TMEM63B: variants seen among roughly 807,000 people sequenced by gnomAD.
TMEM63B encodes the protein transmembrane protein 63B, also known as mechanosensitive cation channel TMEM63B.
TMEM63B carries 23 observed loss-of-function variants against 102.6 expected under a neutral mutation model. The observed-to-expected ratio is 0.22, with a 90% CI of 0.16 to 0.32. The LOEUF is 0.32. Ranked by LOEUF, TMEM63B falls within the 10% of genes least tolerant of loss-of-function variation. The pLI is 1.00. For missense variants in TMEM63B, 628 were observed against 1,095.9 expected, an observed-to-expected ratio of 0.57 and a Z score of 6.03; for synonymous variants, 444 against 437.0, an observed-to-expected ratio of 1.02 and a Z score of -0.20.
chr6:44,150,525 C>T lies in TMEM63B; in HGVS notation c.1608-39C>T, dbSNP rs1165199219. The T allele has an allele frequency of 6.2e-6, 10 of 1,610,694 alleles. No individual in the cohort carries two copies. Among genetic ancestry groups the T allele is most frequent in the African/African-American group, 1.3e-5 (1 of 74,832 alleles). On this transcript the variant is annotated intron_variant, in intron 17 of 23. Coordinates refer to ENST00000323267, the MANE Select transcript of TMEM63B (RefSeq NM_018426.3). This position sits in a 1 kb window ranked among gnomAD's most constrained non-coding sequence, Gnocchi z 4.7. ...TCCCCTCCCCTGGTGTTCTGTACCA[C>T]TCCAGCTCCCACCCCATCTCTCCTC...
At chr6:44,141,353 C>T (rs893557911) in intron 10 of TMEM63B, among the ~76,000 whole-genome samples, 6 of 152,210 alleles carry the variant, frequency 3.9e-5, no homozygotes, top group African/African-American at 1.4e-4. Flanking sequence ...AAACCTCCTC[C>T]TGGCTCAGAC....
At chr6:44,147,636 T>A in intron 12 of TMEM63B, 136 bp downstream of exon 12, 1 of 1,268,604 alleles carries the variant, frequency 7.9e-7, no homozygotes, top group Non-Finnish European at 1.1e-6. Flanking sequence ...TGGGTTTGTC[T>A]AATGTCCCTA....
chr6:44,146,485 C>G (rs982624654), intron 10 of TMEM63B, among the ~76,000 whole-genome samples: 3 of 135,638 alleles, frequency 2.2e-5, no homozygotes, highest in Non-Finnish European at 3.4e-5. Context: ...GAGTCTCGCT[C>G]TGTCGCCCAG....
chr6:44,128,343 C>T (rs1281790149), intron 1 of TMEM63B, among the ~76,000 whole-genome samples: 1 of 152,046 alleles, frequency 6.6e-6, no homozygotes, highest in East Asian at 1.9e-4. Context: ...CATTCATGAG[C>T]CGCCCGGGCC....
rs2128209514 is a variant in TMEM63B at position 44,127,672 on chromosome 6, C to A, written c.-31C>A. 6.7e-6 allele frequency: 1 copy of A among 150,348 alleles called. No individual in the cohort carries two copies. The highest frequency in any genetic ancestry group is 2.1e-4 in the South Asian group (1 of 4,726). 9.3% of individuals were successfully genotyped at this position (150,348 alleles called of 1,614,324 possible). On this transcript the variant is annotated 5_prime_UTR_variant, in exon 1 of 24. Coordinates refer to ENST00000323267, the MANE Select transcript of TMEM63B (RefSeq NM_018426.3). ...GCTCCGAGCCGGAGCCGAGTCTGCGCCTGGGGGTGAGTACGCGACCCCTAC... is the reference window on the plus strand; with the variant it reads ...GCTCCGAGCCGGAGCCGAGTCTGCGACTGGGGGTGAGTACGCGACCCCTAC...
At chr6:44,144,311 T>A (rs1764900536) in intron 10 of TMEM63B, among the ~76,000 whole-genome samples, 1 of 152,098 alleles carries the variant, frequency 6.6e-6, no homozygotes. Context: ...TCAGCACAAT[T>A]AGGAAATATC....
intron 20 of TMEM63B, among the ~76,000 whole-genome samples, chr6:44,153,386 G>A (rs1281305717): frequency 6.6e-6 from 1 of 152,208 alleles, no homozygotes; most frequent in Non-Finnish European, 1.5e-5. Flanking sequence ...TCTGTTTAGG[G>A]ACAGGGTTAG....
rs1766340307 is a variant in TMEM63B at position 44,150,359 on chromosome 6, T to C, written c.1607+49T>C. On this transcript the variant is annotated intron_variant, in intron 17 of 23. Coordinates refer to ENST00000323267, the MANE Select transcript of TMEM63B (RefSeq NM_018426.3). This position sits in a 1 kb window ranked among gnomAD's most constrained non-coding sequence, Gnocchi z 4.7. The stretch of plus-strand genomic sequence containing the variant: ...GAGCCAGGGTAGGGGGACAGCAGGA[T>C]AGGGAGAGGAGAGCAGTTCAGCCTC... The C allele has an allele frequency of 1.9e-6, 3 of 1,579,188 alleles. No individual in the cohort carries two copies. The highest frequency in any genetic ancestry group is 2.6e-6 in the Non-Finnish European group (3 of 1,148,564).
chr6:44,140,255 C>T lies in TMEM63B; in HGVS notation c.606C>T (p.Asn202=), dbSNP rs1421022127. ...GTATCCTCTCTGCTTCTCCCAGGAA[C>T]AACCTGCTATGGCTGCACACCTCCT... ...RTTIANLKSG[N]NLLWLHTSFA... Residue 202 remains asparagine (N), a synonymous_variant, in exon 9 of 24, where the codon AAC becomes AAT. Coordinates refer to ENST00000323267, the MANE Select transcript of TMEM63B (RefSeq NM_018426.3). 6.2e-7 allele frequency: 1 copy of T among 1,613,604 alleles called. No individual in the cohort carries two copies. Among genetic ancestry groups the T allele is most frequent in the Non-Finnish European group, 8.5e-7 (1 of 1,179,720 alleles).
chr6:44,133,292 C>A (rs1762299100), intron 1 of TMEM63B, among the ~76,000 whole-genome samples: 1 of 152,160 alleles, frequency 6.6e-6, no homozygotes, highest in East Asian at 1.9e-4. Flanking sequence ...CTGCCTCTTG[C>A]CCTGTGGTTG....
At chr6:44,153,573 G>A in intron 20 of TMEM63B, 103 bp from the exon 21 acceptor site, 5 of 1,408,444 alleles carry the variant, frequency 3.6e-6, no homozygotes, top group Non-Finnish European at 4.8e-6. Context: ...AGGAGGAGGG[G>A]GCCAACCCTT....
chr6:44,150,376 T>C lies in TMEM63B; in HGVS notation c.1607+66T>C. On this transcript the variant is annotated intron_variant, in intron 17 of 23. Transcript: ENST00000323267. This position sits in a 1 kb window ranked among gnomAD's most constrained non-coding sequence, Gnocchi z 4.7. ...CAGCAGGATAGGGAGAGGAGAGCAG[T>C]TCAGCCTCCCTACCTCCCCTACAAA... is the stretch of plus-strand genomic sequence containing the variant. The C allele has an allele frequency of 6.5e-7, 1 of 1,542,242 alleles. No individual in the cohort carries two copies. Among genetic ancestry groups the C allele is most frequent in the Non-Finnish European group, 9.0e-7 (1 of 1,115,628 alleles).
Position 44,150,136 on chromosome 6 carries a change from C to A in TMEM63B, c.1521-88C>A. On this transcript the variant is annotated intron_variant, in intron 16 of 23. Transcript: ENST00000323267. This position sits in a 1 kb window ranked among gnomAD's most constrained non-coding sequence, Gnocchi z 4.7. ...TGGGAGGCCCACCCTTCCCAGGGGA[C>A]ACTCCTTGGACATTGTCCTTGTTGG... The A allele has an allele frequency of 7.0e-7, 1 of 1,423,280 alleles. No individual in the cohort carries two copies. The allele number at this position is 1,423,280 out of a possible 1,614,324, so 88.2% of individuals were successfully genotyped here.
rs1009070994 is a variant in TMEM63B at position 44,140,654 on chromosome 6, T to A, written c.711+294T>A. ...GCTGATCCTAGGATAGTAATATTCC[T>A]TCCCCTTCTACATGCACTCACCAAG... On this transcript the variant is annotated intron_variant, in intron 9 of 23. Coordinates refer to ENST00000323267, the MANE Select transcript of TMEM63B (RefSeq NM_018426.3). 5.2e-6 allele frequency: 3 copies of A among 572,952 alleles called. No individual in the cohort carries two copies. The African/African-American group carries it at 5.6e-5, about 11-fold the overall frequency. 35.5% of individuals were successfully genotyped at this position (572,952 alleles called of 1,614,324 possible). A position where few individuals can be genotyped will look rare whatever the true frequency, so the allele number is the denominator to read the frequency against.
At chr6:44,140,085 T>C (rs1490709557) in intron 8 of TMEM63B, among the ~76,000 whole-genome samples, 167 bp from the exon 9 acceptor site, 2 of 152,120 alleles carry the variant, frequency 1.3e-5, no homozygotes, top group Non-Finnish European at 2.9e-5. Flanking sequence ...TTTTGGTGTC[T>C]AGGGGATGTG....
chr6:44,151,615 G>C (rs1034855308), intron 18 of TMEM63B, among the ~76,000 whole-genome samples: 4 of 152,110 alleles, frequency 2.6e-5, no homozygotes, highest in African/African-American at 4.8e-5. Context: ...AGGTGGTCTT[G>C]AGCACTCTCT....
At chr6:44,140,650 T>G in intron 9 of TMEM63B, 2 of 567,764 alleles carry the variant, frequency 3.5e-6, no homozygotes, top group Non-Finnish European at 6.4e-6. Flanking sequence ...GATAGTAATA[T>G]TCCTTCCCCT....
Position 44,140,248 on chromosome 6 carries a change from C to T in TMEM63B, c.603-4C>T. 6.2e-7 allele frequency: 1 copy of T among 1,613,376 alleles called. No homozygotes were observed. Among genetic ancestry groups the T allele is most frequent in the Non-Finnish European group, 8.5e-7 (1 of 1,179,462 alleles). Reference sequence around the variant, plus strand: ...CTCCCATGTATCCTCTCTGCTTCTCCCAGGAACAACCTGCTATGGCTGCAC... The same window carrying T: ...CTCCCATGTATCCTCTCTGCTTCTCTCAGGAACAACCTGCTATGGCTGCAC... On this transcript the variant is annotated splice_polypyrimidine_tract_variant and splice_region_variant and intron_variant, in intron 8 of 23. Transcript: ENST00000323267.
In TMEM63B at chr6:44,135,018, C is replaced by T. The variant is rs756706166; in HGVS notation, c.161C>T (p.Ala54Val). 1.4e-5 allele frequency: 23 copies of T among 1,614,116 alleles called. No individual in the cohort carries two copies. The highest frequency in any genetic ancestry group is 1.9e-5 in the Non-Finnish European group (22 of 1,180,044). ...GCCAACTGCCCCCTCTTCCCTCAGG[C>T]ACTGCTGTTCTTATTCTCTATCCTC... ...VLALDFMCFL[A>V]LLFLFSILRK... Residue 54 changes from alanine (A) to valine (V), a missense_variant and splice_region_variant, in exon 3 of 24, where the codon GCA (alanine) becomes GTA (valine). Physicochemically the swap from Ala to Val is moderately conservative, Grantham distance 64 (BLOSUM62 0). Around this residue, in one of 6 missense-constraint regions of TMEM63B, gnomAD observed 336 missense variants for 580.3 expected, o/e 0.58. Transcript: ENST00000323267.
Sources: allele counts gnomAD v4.1 joint callset (sites outside exome capture counted in the v4.1 genomes callset), GRCh38; gene constraint gnomAD v4.1.1; regional missense constraint gnomAD v4.1.1; non-coding constraint Gnocchi (gnomAD v3.1); transcripts MANE v1.5; gene names NCBI Gene and HGNC (gene_info 2026-07-23, HGNC 2026-07-21).